MRO: variants seen among roughly 807,000 people sequenced by gnomAD.
MRO encodes maestro.
Under a neutral mutation model 31.0 loss-of-function variants are expected in MRO, and 28 were observed. The ratio of observed to expected loss-of-function variants is 0.90; its 90% confidence interval spans 0.67 to 1.24. MRO has a LOEUF of 1.24. Ranked by LOEUF, MRO falls within the 50% of genes most tolerant of loss-of-function variation. The probability of loss-of-function intolerance (pLI) is 0.00; values close to 1 mark genes in which losing one functional copy is unlikely to be tolerated. For synonymous variants in MRO, 108 were observed against 108.4 expected (o/e 1.00, Z 0.02); for missense variants, 332 against 289.2 (o/e 1.15, Z -1.07).
intron 1 of MRO, 53 bp downstream of exon 1, chr18:50,819,844 C>A: frequency 6.5e-7 from 1 of 1,543,144 alleles, no homozygotes; most frequent in Non-Finnish European, 8.8e-7. Flanking sequence ...GGGAATTGTT[C>A]TGGAATGAAA....
chr18:50,821,194 G>A (rs989995492), upstream of MRO, among the ~76,000 whole-genome samples: 1 of 152,192 alleles, frequency 6.6e-6, no homozygotes, highest in Non-Finnish European at 1.5e-5. Flanking sequence ...GTTTGAAAGT[G>A]GTTGCAAGGG....
chr18:50,803,209 G>A (rs927181601), intron 5 of MRO, among the ~76,000 whole-genome samples: 1 of 151,922 alleles, frequency 6.6e-6, no homozygotes, highest in Non-Finnish European at 1.5e-5. Context: ...AGGCAACCAG[G>A]GTTTAAAAAA....
In MRO at chr18:50,796,727, A is replaced by G. The variant is rs374498799; in HGVS notation, c.*2610T>C. 1 of 152,262 alleles carries G rather than the reference A, an allele frequency of 6.6e-6. No homozygotes were observed. Among genetic ancestry groups the G allele is most frequent in the East Asian group, 1.9e-4 (1 of 5,204 alleles). The allele number at this position is 152,262 out of a possible 1,614,324, so 9.4% of individuals were successfully genotyped here. A position where few individuals can be genotyped will look rare whatever the true frequency, so the allele number is the denominator to read the frequency against. On this transcript the variant is annotated 3_prime_UTR_variant, in exon 8 of 8. Coordinates refer to ENST00000398439, the MANE Select transcript of MRO (RefSeq NM_031939.6). ...GGACCCAAACTTGTCTGAAGCAAAG[A>G]GAGTAACAGAAGAAAACGAAGGTTG...
chr18:50,816,617 C>A (rs1283175891), intron 2 of MRO, among the ~76,000 whole-genome samples: 1 of 152,142 alleles, frequency 6.6e-6, no homozygotes, highest in Admixed American at 6.6e-5. Flanking sequence ...ATTCTATTCT[C>A]CCCATTTCCA....
intron 2 of MRO, among the ~76,000 whole-genome samples, chr18:50,813,889 C>T (rs1914669478): frequency 6.6e-6 from 1 of 152,134 alleles, no homozygotes; most frequent in African/African-American, 2.4e-5. Flanking sequence ...TGTTGGGTAC[C>T]ATGCTTATTA....
upstream of MRO, among the ~76,000 whole-genome samples, chr18:50,824,547 CG>C (rs1915434329): frequency 6.6e-6 from 1 of 150,640 alleles, no homozygotes; most frequent in Non-Finnish European, 1.5e-5. Flanking sequence ...CTCTGCCTCC[CG>C]GGTTCAAGCA....
intron 6 of MRO, 41 bp downstream of exon 6, chr18:50,801,308 A>G (rs774969045): frequency 1.3e-6 from 2 of 1,518,388 alleles, no homozygotes; most frequent in Non-Finnish European, 1.8e-6. Flanking sequence ...TATGAATAGC[A>G]TGGAGATGTC....
rs766901720 is a variant in MRO, at chr18:50,801,481, C to A, written c.453G>T (p.Ser151=). The change falls in exon 6 of 8, where the codon TCG becomes TCT. Residue 151 remains serine (S), a synonymous_variant. Coordinates refer to ENST00000398439, the MANE Select transcript of MRO (RefSeq NM_031939.6). ...LDDENDSLRY[S]AFVLFGQLAA... ...CCAATTGCCCAAACAAAACAAAGGCCGAGTATCTCAGACTGTCGTTCTCCT... is the reference window on the plus strand; with the variant it reads ...CCAATTGCCCAAACAAAACAAAGGCAGAGTATCTCAGACTGTCGTTCTCCT... The A allele has an allele frequency of 3.5e-5, 57 of 1,606,736 alleles. No homozygotes were observed. The South Asian group carries it at 6.4e-4, about 18-fold the overall frequency.
upstream of MRO, among the ~76,000 whole-genome samples, chr18:50,822,688 C>T (rs1915348988): frequency 8.1e-6 from 1 of 122,706 alleles, no homozygotes. Flanking sequence ...GGAAATACAT[C>T]CCCCGCCCCC....
intron 2 of MRO, chr18:50,815,643 GGC>G: frequency 2.8e-6 from 1 of 351,612 alleles, no homozygotes; most frequent in Non-Finnish European, 5.6e-6. Context: ...CATGAAAGGG[GGC>G]AGTTTTGGTG....
At chr18:50,803,523 G>T (rs1025836179) in intron 5 of MRO, among the ~76,000 whole-genome samples, 14 of 151,340 alleles carry the variant, frequency 9.3e-5, no homozygotes, top group Admixed American at 2.6e-4. Flanking sequence ...AAAAAAAAAA[G>T]TGGTTGAATG....
chr18:50,819,841 G>A, intron 1 of MRO, 56 bp downstream of exon 1: 1 of 1,539,980 alleles, frequency 6.5e-7, no homozygotes, highest in Non-Finnish European at 8.8e-7. Flanking sequence ...GGAGGGAATT[G>A]TTCTGGAATG....
chr18:50,799,676 T>A (rs1004147678), intron 7 of MRO, among the ~76,000 whole-genome samples: 1 of 152,122 alleles, frequency 6.6e-6, no homozygotes, highest in Admixed American at 6.5e-5. Context: ...TTTGGGAGGC[T>A]GAGGCAGGCA....
intron 3 of MRO, 85 bp from the exon 4 acceptor site, chr18:50,806,935 T>C: frequency 7.3e-7 from 1 of 1,375,284 alleles, no homozygotes. Context: ...CTAAAGAAAA[T>C]CCCGTGATTG....
intron 2 of MRO, 124 bp from the exon 3 acceptor site, chr18:50,809,528 G>T: frequency 1.7e-6 from 1 of 587,426 alleles, no homozygotes. Flanking sequence ...CCTGTCTTTA[G>T]GAACCTTCCA....
chr18:50,823,850 G>C (rs764139962), upstream of MRO: 3 of 205,604 alleles, frequency 1.5e-5, no homozygotes, highest in Non-Finnish European at 3.1e-5. Flanking sequence ...AATTTTTGCT[G>C]CATGTGCTTA....
intron 2 of MRO, among the ~76,000 whole-genome samples, chr18:50,817,989 C>T (rs1034091134): frequency 2.5e-4 from 35 of 139,200 alleles, no homozygotes; most frequent in African/African-American, 9.3e-4. Context: ...TCTTAAAGAA[C>T]TCCCACCCCC....
At chr18:50,804,415 C>G (rs1266299476) in intron 5 of MRO, among the ~76,000 whole-genome samples, 1 of 152,128 alleles carries the variant, frequency 6.6e-6, no homozygotes, top group Non-Finnish European at 1.5e-5. Flanking sequence ...CATTTGAGCC[C>G]AGGAGTTTGA....
chr18:50,809,471 A>G, intron 2 of MRO, 67 bp from the exon 3 acceptor site: 1 of 1,114,462 alleles, frequency 9.0e-7, no homozygotes, highest in East Asian at 2.4e-5. Context: ...ATTGTTGTAC[A>G]ATGCATTGTG....
Sources: gnomAD v4.1 joint callset for allele counts (sites outside exome capture counted in the v4.1 genomes callset) on GRCh38, gnomAD v4.1.1 for gene constraint, MANE v1.5 for transcripts, NCBI Gene and HGNC (gene_info 2026-07-23, HGNC 2026-07-21) for gene names.